The following FAM184A variants were observed in gnomAD, a reference collection of about 807,000 sequenced individuals.
FAM184A encodes the protein family with sequence similarity 184 member A.
In FAM184A, 99 loss-of-function variants were observed where a neutral mutation model predicts 143.8. That is an observed-to-expected ratio of 0.69 (90% CI 0.58 to 0.81). The LOEUF (loss-of-function observed/expected upper bound fraction) is 0.81, where lower values mean the gene tolerates loss of function less well. Ranked by LOEUF, FAM184A falls within the 40% of genes least tolerant of loss-of-function variation. The pLI is 0.00. For missense variants in FAM184A, 1,217 were observed against 1,310.5 expected, an observed-to-expected ratio of 0.93 and a Z score of 1.10; for synonymous variants, 427 against 446.4, an observed-to-expected ratio of 0.96 and a Z score of 0.55.
intron 16 of FAM184A, among the ~76,000 whole-genome samples, chr6:118,964,235 G>A (rs1783424405): frequency 6.6e-6 from 1 of 152,086 alleles, no homozygotes; most frequent in Non-Finnish European, 1.5e-5. Flanking sequence ...CTTCTCTGAC[G>A]ATTGGTAGGC....
intron 1 of FAM184A, among the ~76,000 whole-genome samples, chr6:119,113,565 T>C (rs1385042905): frequency 6.6e-6 from 1 of 152,152 alleles, no homozygotes. Context: ...AGGTTTCAGT[T>C]ACCTGAAGTC....
At chr6:119,066,836 G>T (rs964785151) in intron 1 of FAM184A, among the ~76,000 whole-genome samples, 1 of 152,102 alleles carries the variant, frequency 6.6e-6, no homozygotes, top group African/African-American at 2.4e-5. Flanking sequence ...TGTTGCATAA[G>T]GTTAATTCAG....
intron 1 of FAM184A, among the ~76,000 whole-genome samples, chr6:119,052,746 C>T (rs186603284): frequency 6.6e-6 from 1 of 152,174 alleles, no homozygotes. Context: ...GGAAGCAGCA[C>T]TAGCTGAAAG....
At chr6:119,013,109 A>T (rs1435829715) in intron 5 of FAM184A, among the ~76,000 whole-genome samples, 3 of 778 alleles carry the variant, frequency 3.9e-3, no homozygotes, top group African/African-American at 9.6e-3. Flanking sequence ...TACTCTGATA[A>T]AAAAAAAAAG....
At chr6:119,113,629 GAGAGAA>G (rs1426247521) in intron 1 of FAM184A, among the ~76,000 whole-genome samples, 1 of 145,266 alleles carries the variant, frequency 6.9e-6, no homozygotes, top group Non-Finnish European at 1.6e-5. Context: ...GAGAGAGAGA[GAGAGAA>G]AGAGAGAGAG....
chr6:119,108,104 T>G (rs1435272611), intron 1 of FAM184A, among the ~76,000 whole-genome samples: 2 of 134,494 alleles, frequency 1.5e-5, no homozygotes, highest in African/African-American at 5.7e-5. Context: ...ATTCCCAAAT[T>G]TGAAAGTTTG....
At chr6:119,118,127 C>T (rs1465942602) in intron 1 of FAM184A, among the ~76,000 whole-genome samples, 1 of 152,188 alleles carries the variant, frequency 6.6e-6, no homozygotes, top group Non-Finnish European at 1.5e-5. Context: ...AGGACCTTTC[C>T]ATAGATGCAG....
intron 3 of FAM184A, among the ~76,000 whole-genome samples, chr6:119,021,465 T>C (rs1785446160): frequency 6.6e-6 from 1 of 152,224 alleles, no homozygotes; most frequent in Non-Finnish European, 1.5e-5. Flanking sequence ...TGAACTGCTG[T>C]AATTTACAAA....
intron 1 of FAM184A, among the ~76,000 whole-genome samples, chr6:119,097,339 A>G (rs1788533203): frequency 1.3e-5 from 2 of 152,188 alleles, no homozygotes; most frequent in African/African-American, 4.8e-5. Context: ...AAAAAGAACA[A>G]TTAAAAGCAA....
intron 3 of FAM184A, 62 bp downstream of exon 3, chr6:119,022,883 A>T: frequency 1.3e-6 from 2 of 1,596,876 alleles, no homozygotes; most frequent in South Asian, 2.2e-5. Flanking sequence ...TCTCCAAAAA[A>T]ATAAATAAAT....
chr6:119,132,032 C>A (rs1452764931), intron 1 of FAM184A, among the ~76,000 whole-genome samples: 1 of 152,092 alleles, frequency 6.6e-6, no homozygotes, highest in Non-Finnish European at 1.5e-5. Flanking sequence ...AATAAAATTC[C>A]ATTTCTAGCT....
intron 9 of FAM184A, among the ~76,000 whole-genome samples, chr6:118,992,123 C>G (rs975101260): frequency 2.0e-5 from 3 of 151,948 alleles, no homozygotes; most frequent in Admixed American, 2.0e-4. Flanking sequence ...TGAAAGATCA[C>G]TTTGAGTGCT....
At position 119,016,160 on chromosome 6, in the gene FAM184A, G is replaced by T. The variant is rs150392920; in HGVS notation, c.1530+587C>A. Among the ~76,000 whole-genome samples the T allele has an allele frequency of 3.3e-5, 5 of 152,240 alleles. No homozygotes were observed. The East Asian group carries it at 9.6e-4, about 29-fold the overall frequency. On this transcript the variant is annotated intron_variant, in intron 5 of 17. Transcript: ENST00000338891. ...GGAGAACCTTTGTATCTAGCTCAGG[G>T]ATTGTAAATGCACCAATCAGCGCCC...
intron 1 of FAM184A, among the ~76,000 whole-genome samples, chr6:119,113,864 C>T (rs1024596271): frequency 1.3e-5 from 2 of 152,160 alleles, no homozygotes; most frequent in African/African-American, 4.8e-5. Context: ...ACTGCTTGAA[C>T]CCGGGAGGCA....
chr6:119,036,337 A>G (rs1786112793), intron 1 of FAM184A, among the ~76,000 whole-genome samples: 1 of 152,146 alleles, frequency 6.6e-6, no homozygotes, highest in Non-Finnish European at 1.5e-5. Flanking sequence ...GACAGTTCAC[A>G]AAAGGAGCTC....
rs551230025 is a variant in FAM184A, at chr6:119,087,091, T to C, written c.-202+61987A>G. Among the ~76,000 whole-genome samples, 28 of 152,258 alleles carry C rather than the reference T, an allele frequency of 1.8e-4. 1 individual carries two copies. The highest frequency in any genetic ancestry group is 1.2e-3 in the Admixed American group (19 of 15,288). On this transcript the variant is annotated intron_variant, in intron 1 of 16. Transcript: ENST00000352896. ...AACATTCTTTGTATTTTTTAGGCCT[T>C]CCCAAATTGTGTATGTTTCAGGCCC...
At chr6:119,105,517 A>T (rs999440852) in intron 1 of FAM184A, among the ~76,000 whole-genome samples, 2 of 152,124 alleles carry the variant, frequency 1.3e-5, no homozygotes, top group African/African-American at 2.4e-5. Flanking sequence ...GAGGCTTCCC[A>T]GTCATGTTTC....
At chr6:118,989,663 T>C (rs936983113) in intron 9 of FAM184A, among the ~76,000 whole-genome samples, 1 of 141,394 alleles carries the variant, frequency 7.1e-6, no homozygotes, top group African/African-American at 2.5e-5. Flanking sequence ...CATGCTTTTA[T>C]GTACATCACT....
intron 1 of FAM184A, among the ~76,000 whole-genome samples, chr6:119,128,894 T>C (rs1481386648): frequency 1.3e-5 from 2 of 152,094 alleles, no homozygotes; most frequent in Non-Finnish European, 2.9e-5. Context: ...CTAGTTTTTT[T>C]TTTTCCGGAG....
Sources: allele counts gnomAD v4.1 joint callset (sites outside exome capture counted in the v4.1 genomes callset), GRCh38; gene constraint gnomAD v4.1.1; transcripts MANE v1.5; gene names NCBI Gene and HGNC (gene_info 2026-07-23, HGNC 2026-07-21).